Variants in LOC122539214 observed in about 807,000 individuals in gnomAD.
At chr19:52,688,741 T>C in the LOC122539214 span, among the ~76,000 whole-genome samples, 1 of 152,050 alleles carries the variant, frequency 6.6e-6, no homozygotes, top group Non-Finnish European at 1.5e-5. Context: ...AATTTAAAAA[T>C]AATAAGTACT....
chr19:52,684,565 A>AAAG, the LOC122539214 span, among the ~76,000 whole-genome samples: 1 of 148,620 alleles, frequency 6.7e-6, no homozygotes. Flanking sequence ...AGAAAAAAAA[A>AAAG]GGAAAGAAAG....
chr19:52,677,173 CA>C, the LOC122539214 span, among the ~76,000 whole-genome samples: 2 of 149,518 alleles, frequency 1.3e-5, no homozygotes, highest in African/African-American at 4.9e-5. Context: ...AAGATACAAT[CA>C]AAAAAACAAA....
chr19:52,665,046 C>T, the LOC122539214 span, among the ~76,000 whole-genome samples: 2 of 152,076 alleles, frequency 1.3e-5, no homozygotes. Flanking sequence ...AACTAGAATG[C>T]GAAATGCAAA....
At chr19:52,653,159 C>T in the LOC122539214 span, 667 of 1,485,422 alleles carry the variant, frequency 4.5e-4, 2 homozygotes, top group African/African-American at 7.4e-4. Flanking sequence ...GGTTTTTCTC[C>T]GGTATGAAGT....
the LOC122539214 span, among the ~76,000 whole-genome samples, chr19:52,674,015 CAAAA>C: frequency 1.4e-5 from 1 of 73,064 alleles, no homozygotes; most frequent in Non-Finnish European, 2.6e-5. Flanking sequence ...GACTCCATCT[CAAAA>C]AAAAAAAAAA....
At chr19:52,671,481 T>A in the LOC122539214 span, among the ~76,000 whole-genome samples, 1 of 152,092 alleles carries the variant, frequency 6.6e-6, no homozygotes, top group African/African-American at 2.4e-5. Context: ...CCTAGTTCTG[T>A]CACCCCGGCT....
chr19:52,664,324 C>T, the LOC122539214 span, among the ~76,000 whole-genome samples: 1 of 151,838 alleles, frequency 6.6e-6, no homozygotes, highest in South Asian at 2.1e-4. Context: ...GGAGAAAGCC[C>T]GTCTCTATGA....
At chr19:52,688,789 C>A in the LOC122539214 span, among the ~76,000 whole-genome samples, 1 of 151,924 alleles carries the variant, frequency 6.6e-6, no homozygotes, top group Non-Finnish European at 1.5e-5. Context: ...AGCTAAGGCC[C>A]ACAATGTGGC....
At chr19:52,669,105 A>T in the LOC122539214 span, among the ~76,000 whole-genome samples, 8 of 152,230 alleles carry the variant, frequency 5.3e-5, no homozygotes, top group Non-Finnish European at 1.2e-4. Context: ...GCATAGTGGT[A>T]TTATGGTGGA....
the LOC122539214 span, among the ~76,000 whole-genome samples, chr19:52,656,434 G>A: frequency 6.6e-6 from 1 of 152,058 alleles, no homozygotes. Context: ...CCGAGGCAGG[G>A]GAATTGCTTC....
At chr19:52,673,796 C>T in the LOC122539214 span, among the ~76,000 whole-genome samples, 1 of 150,792 alleles carries the variant, frequency 6.6e-6, no homozygotes, top group African/African-American at 2.4e-5. Flanking sequence ...GGGCCAATCA[C>T]CTCAGGTCAA....
At chr19:52,684,478 G>C in the LOC122539214 span, among the ~76,000 whole-genome samples, 3 of 149,722 alleles carry the variant, frequency 2.0e-5, no homozygotes, top group East Asian at 3.9e-4. Flanking sequence ...GAAGCTAGGA[G>C]ACAGAGATTG....
chr19:52,689,445 T>A, the LOC122539214 span, among the ~76,000 whole-genome samples: 1 of 151,816 alleles, frequency 6.6e-6, no homozygotes, highest in South Asian at 2.1e-4. Context: ...GCTGTGCTTC[T>A]CCCTCTGTTC....
At chr19:52,686,626 T>C in the LOC122539214 span, among the ~76,000 whole-genome samples, 1 of 152,104 alleles carries the variant, frequency 6.6e-6, no homozygotes, top group Non-Finnish European at 1.5e-5. Context: ...CAGGCTGCAG[T>C]GCAGCAACAT....
the LOC122539214 span, among the ~76,000 whole-genome samples, chr19:52,682,161 C>G: frequency 4.6e-5 from 7 of 151,888 alleles, no homozygotes; most frequent in African/African-American, 1.7e-4. Context: ...TTACTATTAA[C>G]TCATTATTGT....
At chr19:52,658,467 G>A in the LOC122539214 span, among the ~76,000 whole-genome samples, 3 of 152,130 alleles carry the variant, frequency 2.0e-5, no homozygotes, top group South Asian at 6.2e-4. Flanking sequence ...TTGGGAAGCT[G>A]AGGTGAGAGA....
the LOC122539214 span, among the ~76,000 whole-genome samples, chr19:52,653,913 T>C: frequency 1.3e-5 from 2 of 152,222 alleles, no homozygotes; most frequent in African/African-American, 4.8e-5. Context: ...AAGGTTTTTC[T>C]CTCATGTGTT....
the LOC122539214 span, among the ~76,000 whole-genome samples, chr19:52,681,202 G>A: frequency 1.4e-5 from 2 of 146,296 alleles, no homozygotes; most frequent in East Asian, 2.0e-4. Context: ...GGAGAATCTC[G>A]AGCCCAGGAG....
chr19:52,655,220 C>T, the LOC122539214 span: 961 of 249,274 alleles, frequency 3.9e-3, 3 homozygotes, highest in Non-Finnish European at 5.7e-3. Context: ...AGAATCACAG[C>T]TGGAAACACT....
Sources: allele counts gnomAD v4.1 joint callset (sites outside exome capture counted in the v4.1 genomes callset), GRCh38; gene constraint gnomAD v4.1.1; transcripts MANE v1.5.